The following DNER variants were observed in gnomAD, a reference collection of about 807,000 sequenced individuals.
DNER encodes the protein delta and Notch-like epidermal growth factor-related receptor.
Under a neutral mutation model 78.2 loss-of-function variants are expected in DNER, and 33 were observed. The ratio of observed to expected loss-of-function variants is 0.42; its 90% CI spans 0.32 to 0.56. The LOEUF (loss-of-function observed/expected upper bound fraction) is 0.56, where lower values mean the gene tolerates loss of function less well. Among genes scored for constraint, DNER ranks in the 20% least tolerant of loss-of-function variants. The pLI is 0.11. For missense variants in DNER, 918 were observed against 975.3 expected (o/e 0.94, Z 0.78); for synonymous variants, 417 against 384.8 (o/e 1.08, Z -0.98).
intron 8 of DNER, among the ~76,000 whole-genome samples, chr2:229,433,381 G>A (rs1221259869): frequency 2.6e-5 from 4 of 152,158 alleles, no homozygotes; most frequent in Admixed American, 1.3e-4. Context: ...ACCAGCCATC[G>A]GCACATGGAC....
chr2:229,376,950 C>CATT (rs1473402061), intron 11 of DNER, among the ~76,000 whole-genome samples: 3 of 152,018 alleles, frequency 2.0e-5, no homozygotes, highest in Non-Finnish European at 4.4e-5. Context: ...TTTCTTTAAC[C>CATT]ATTATTAAAT....
chr2:229,571,982 G>C (rs1697226175), intron 4 of DNER, among the ~76,000 whole-genome samples: 1 of 152,012 alleles, frequency 6.6e-6, no homozygotes, highest in Admixed American at 6.6e-5. Flanking sequence ...TTAAAACCCT[G>C]CATCACCACT....
chr2:229,703,253 A>G (rs1699778253), intron 1 of DNER, among the ~76,000 whole-genome samples: 1 of 152,240 alleles, frequency 6.6e-6, no homozygotes, highest in African/African-American at 2.4e-5. Flanking sequence ...ATGCTTGGTC[A>G]AATGATTTTA....
chr2:229,573,491 T>C (rs771343237), intron 4 of DNER, among the ~76,000 whole-genome samples: 7 of 152,218 alleles, frequency 4.6e-5, no homozygotes, highest in Non-Finnish European at 8.8e-5. Flanking sequence ...CATGATTTCA[T>C]GTCAAAAGTA....
In DNER at chr2:229,512,903, C is replaced by A; in HGVS notation, c.1027G>T (p.Val343Leu). The A allele has an allele frequency of 6.2e-7, 1 of 1,614,106 alleles. No individual in the cohort carries two copies. Among genetic ancestry groups the A allele is most frequent in the Non-Finnish European group, 8.5e-7 (1 of 1,179,988 alleles). ...TFSCTCEEQY[V>L]GTFCEEYDAC... Reference sequence around the variant, plus strand: ...TCGTATTCTTCACAGAAAGTACCCACGTACTGCTCCTCACAGGTACAGGAA... The same window carrying A: ...TCGTATTCTTCACAGAAAGTACCCAAGTACTGCTCCTCACAGGTACAGGAA... The change falls in exon 6 of 13, where the codon GTG becomes TTG. Residue 343 changes from valine to leucine, a missense_variant. By Grantham distance (32) the Val-to-Leu change is conservative. Transcript: ENST00000341772.
chr2:229,473,068 T>C (rs1046382211), intron 7 of DNER, among the ~76,000 whole-genome samples: 1 of 151,998 alleles, frequency 6.6e-6, no homozygotes, highest in Non-Finnish European at 1.5e-5. Context: ...AAAAGGTCCT[T>C]GAAGGAAACA....
At chr2:229,444,138 C>T (rs1168567995) in intron 8 of DNER, among the ~76,000 whole-genome samples, 2 of 152,176 alleles carry the variant, frequency 1.3e-5, no homozygotes, top group African/African-American at 4.8e-5. Flanking sequence ...AAGTCAAACG[C>T]TCCAAGTGGG....
At chr2:229,559,891 T>G (rs1696923521) in intron 4 of DNER, among the ~76,000 whole-genome samples, 3 of 152,188 alleles carry the variant, frequency 2.0e-5, no homozygotes, top group African/African-American at 7.2e-5. Context: ...ACAAATGCAC[T>G]TACTCTGCTC....
At chr2:229,393,142 C>G (rs1454053424) in intron 10 of DNER, among the ~76,000 whole-genome samples, 1 of 152,136 alleles carries the variant, frequency 6.6e-6, no homozygotes, top group Non-Finnish European at 1.5e-5. Flanking sequence ...ACCCAATGGT[C>G]TTAATAGTAG....
intron 7 of DNER, among the ~76,000 whole-genome samples, chr2:229,475,407 A>G (rs1429023338): frequency 6.6e-6 from 1 of 151,796 alleles, no homozygotes; most frequent in Non-Finnish European, 1.5e-5. Flanking sequence ...CAACTGCGCC[A>G]TCTCCTCCCT....
chr2:229,663,930 C>T (rs1304730789), intron 1 of DNER, among the ~76,000 whole-genome samples: 8 of 152,194 alleles, frequency 5.3e-5, no homozygotes, highest in African/African-American at 1.7e-4. Flanking sequence ...TCGGCTCAAG[C>T]GATTCTCCCA....
intron 1 of DNER, among the ~76,000 whole-genome samples, chr2:229,713,794 G>C (rs1052124457): frequency 6.6e-6 from 1 of 152,164 alleles, no homozygotes; most frequent in Non-Finnish European, 1.5e-5. Flanking sequence ...CGGCTCCTCC[G>C]CGCTGCCAAG....
chr2:229,533,906 A>G (rs13013785), intron 5 of DNER, among the ~76,000 whole-genome samples: 38,865 of 152,152 alleles, frequency 0.26, 5,764 homozygotes, highest in East Asian at 0.37. Flanking sequence ...CAGATTCCCA[A>G]TACTTAAAGA....
chr2:229,419,034 T>C (rs1383421044), intron 8 of DNER, among the ~76,000 whole-genome samples: 3 of 152,196 alleles, frequency 2.0e-5, no homozygotes, highest in Non-Finnish European at 2.9e-5. Context: ...ACTGAAATTA[T>C]TGATGAAATG....
chr2:229,557,399 C>G (rs1696872046), intron 4 of DNER, among the ~76,000 whole-genome samples: 1 of 152,214 alleles, frequency 6.6e-6, no homozygotes, highest in African/African-American at 2.4e-5. Context: ...CTAAGATCCA[C>G]AGGCCAACTG....
At chr2:229,429,782 T>C (rs1693966920) in intron 8 of DNER, among the ~76,000 whole-genome samples, 1 of 152,192 alleles carries the variant, frequency 6.6e-6, no homozygotes, top group Non-Finnish European at 1.5e-5. Context: ...GATCTAAATT[T>C]TTCCAATACG....
At chr2:229,694,285 C>T (rs1699629047) in intron 1 of DNER, among the ~76,000 whole-genome samples, 1 of 152,236 alleles carries the variant, frequency 6.6e-6, no homozygotes, top group African/African-American at 2.4e-5. Flanking sequence ...CCATGGAGAA[C>T]CTCTGCTAGG....
intron 1 of DNER, among the ~76,000 whole-genome samples, chr2:229,676,779 T>G (rs139646046): frequency 1.8e-3 from 278 of 152,230 alleles, no homozygotes; most frequent in African/African-American, 6.4e-3. Flanking sequence ...ACGGTAAGGG[T>G]GGACTTGAAA....
At chr2:229,537,538 G>A (rs1330651265) in intron 5 of DNER, among the ~76,000 whole-genome samples, 1 of 152,012 alleles carries the variant, frequency 6.6e-6, no homozygotes, top group African/African-American at 2.4e-5. Context: ...AATAAAATAG[G>A]TGGAGAGACC....
Sources: gnomAD v4.1 joint callset for allele counts (sites outside exome capture counted in the v4.1 genomes callset) on GRCh38, gnomAD v4.1.1 for gene constraint, MANE v1.5 for transcripts, NCBI Gene and HGNC (gene_info 2026-07-23, HGNC 2026-07-21) for gene names.